The following TESMIN variants were observed in gnomAD, a reference collection of about 807,000 sequenced individuals.
The protein encoded by TESMIN is testis expressed metallothionein like protein.
Under a neutral mutation model 47.4 loss-of-function variants are expected in TESMIN, and 34 were observed. That is an observed-to-expected ratio of 0.72 (90% CI 0.55 to 0.96). The LOEUF is 0.96. Ranked by LOEUF, TESMIN falls within the 40% of genes least tolerant of loss-of-function variation. The pLI is 0.00. For missense variants in TESMIN, 610 were observed against 637.2 expected (o/e 0.96, Z 0.46); for synonymous variants, 278 against 258.9 (o/e 1.07, Z -0.71).
intron 8 of TESMIN, among the ~76,000 whole-genome samples, chr11:68,711,986 G>A (rs532396367): frequency 6.6e-5 from 10 of 152,342 alleles, no homozygotes; most frequent in Admixed American, 2.0e-4. Context: ...TCAGCCCCCC[G>A]GGGATTTCCC....
chr11:68,742,699 G>A (rs1946471110), intron 4 of TESMIN, among the ~76,000 whole-genome samples: 1 of 152,016 alleles, frequency 6.6e-6, no homozygotes, highest in African/African-American at 2.4e-5. Context: ...GTGCCAAGGT[G>A]CCCTGCATAG....
intron 6 of TESMIN, among the ~76,000 whole-genome samples, chr11:68,720,743 G>A (rs1594289132): frequency 6.6e-6 from 1 of 152,264 alleles, no homozygotes; most frequent in East Asian, 1.9e-4. Context: ...TCCAAGGGTT[G>A]CCAAATCTAC....
At chr11:68,729,704 C>T (rs1379663928) in intron 6 of TESMIN, among the ~76,000 whole-genome samples, 1 of 152,170 alleles carries the variant, frequency 6.6e-6, no homozygotes. Context: ...GAGGAATTGC[C>T]TCTTACAGAT....
In TESMIN at chr11:68,750,495, G is replaced by A; in HGVS notation, c.166C>T (p.Pro56Ser). The A allele has an allele frequency of 6.2e-7, 1 of 1,603,018 alleles. No individual in the cohort carries two copies. Among genetic ancestry groups the A allele is most frequent in the East Asian group, 2.3e-5 (1 of 44,410 alleles). Residue 56 changes from proline (P) to serine (S), a missense_variant, in exon 2 of 10, where the codon CCG becomes TCG. Physicochemically the swap from Pro to Ser is moderately conservative, Grantham distance 74 (BLOSUM62 -1). Transcript: ENST00000255087. ...FHVFKEAYLG[P>S]ADPKEPVLHA... ...AGGACGGGTTCCTTGGGGTCCGCCG[G>A]GCCCAGGTACGCTTCTTTGAAGACG...
downstream of TESMIN, among the ~76,000 whole-genome samples, chr11:68,705,223 G>GC (rs1457998381): frequency 2.0e-5 from 3 of 152,178 alleles, no homozygotes; most frequent in African/African-American, 7.2e-5. Flanking sequence ...CGTCTTCTGC[G>GC]CCCCCTCCTG....
chr11:68,731,642 C>T (rs1226662228), intron 6 of TESMIN, among the ~76,000 whole-genome samples: 4 of 152,114 alleles, frequency 2.6e-5, no homozygotes, highest in South Asian at 2.1e-4. Context: ...CTATTGATGG[C>T]GATGATGCCA....
chr11:68,739,734 C>T (rs1054422191), intron 5 of TESMIN, among the ~76,000 whole-genome samples: 2 of 152,220 alleles, frequency 1.3e-5, no homozygotes, highest in East Asian at 1.9e-4. Flanking sequence ...GGCTTCTTCC[C>T]GGGAAACCCC....
chr11:68,716,057 C>T, intron 6 of TESMIN, 118 bp from the exon 7 acceptor site: 1 of 648,940 alleles, frequency 1.5e-6, no homozygotes, highest in Non-Finnish European at 2.7e-6. Flanking sequence ...ACACTGAACA[C>T]TTTCATAGAC....
chr11:68,715,647 G>A (rs1171713181), intron 7 of TESMIN, among the ~76,000 whole-genome samples, 190 bp downstream of exon 7: 1 of 152,146 alleles, frequency 6.6e-6, no homozygotes, highest in Non-Finnish European at 1.5e-5. Flanking sequence ...GCCTTTCTCT[G>A]CCTACCACTT....
At chr11:68,725,335 CA>C (rs1179708824) in intron 6 of TESMIN, among the ~76,000 whole-genome samples, 7 of 152,312 alleles carry the variant, frequency 4.6e-5, no homozygotes, top group African/African-American at 1.7e-4. Flanking sequence ...AGCTCAATGA[CA>C]AAAGCAGAAA....
At chr11:68,728,299 G>T (rs1403007665) in intron 6 of TESMIN, among the ~76,000 whole-genome samples, 1 of 152,222 alleles carries the variant, frequency 6.6e-6, no homozygotes, top group African/African-American at 2.4e-5. Context: ...GCAAGCCTGA[G>T]AGGTCTGGAG....
At position 68,708,424 on chromosome 11, in the gene TESMIN, C is replaced by A; in HGVS notation, c.1411G>T (p.Glu471Ter). 1 of 1,614,190 alleles carries A rather than the reference C, an allele frequency of 6.2e-7. No homozygotes were observed. Among genetic ancestry groups the A allele is most frequent in the Non-Finnish European group, 8.5e-7 (1 of 1,180,030 alleles). ...ACLLAQGEEAEKEHCSKCLAE... is the reference protein window; with the variant it reads ...ACLLAQGEEA The stretch of plus-strand genomic sequence containing the variant: ...AGGCACTTGGAGCAGTGTTCTTTCT[C>A]GGCCTCTTCTCCCTGAGCAAGCAGG... The change falls in exon 10 of 10, where the codon GAG (glutamate) becomes TAG (stop). Residue 471 changes from glutamate to a stop codon, truncating the protein, a stop_gained. Coordinates refer to ENST00000255087, the MANE Select transcript of TESMIN (RefSeq NM_004923.3). LOFTEE classifies it low-confidence loss of function (END_TRUNC).
intron 6 of TESMIN, among the ~76,000 whole-genome samples, chr11:68,717,586 G>C (rs148003400): frequency 6.6e-6 from 1 of 152,332 alleles, no homozygotes; most frequent in African/African-American, 2.4e-5. Flanking sequence ...GATAGCAGAG[G>C]GGCGAGAGAA....
chr11:68,717,014 C>CA lies in TESMIN; in HGVS notation c.918-1076dup, dbSNP rs1946147873. 7.2e-5 allele frequency among the ~76,000 whole-genome samples: 11 copies of CA among 152,298 alleles called. 1 individual carries two copies. In the South Asian group the frequency reaches 2.3e-3, roughly 32 times the overall value. On this transcript the variant is annotated intron_variant, in intron 6 of 9. Coordinates refer to ENST00000255087, the MANE Select transcript of TESMIN (RefSeq NM_004923.3). ...GTGGGAATCGTGGTGCTCAGCCTCC[C>CA]AGTCCCAAAGCGCTGCTGAGGGAAA...
At chr11:68,708,596 T>A in intron 9 of TESMIN, 96 bp from the exon 10 acceptor site, 2 of 1,144,174 alleles carry the variant, frequency 1.7e-6, no homozygotes, top group Non-Finnish European at 2.4e-6. Context: ...GTCCATGCTA[T>A]TTTAAAGAAC....
intron 6 of TESMIN, chr11:68,736,190 C>T (rs1946384696): frequency 2.0e-6 from 2 of 984,968 alleles, no homozygotes; most frequent in Non-Finnish European, 2.4e-6. Context: ...GTAGCATCAA[C>T]AATGTGTCAG....
At chr11:68,737,563 A>C in intron 6 of TESMIN, 1 of 985,638 alleles carries the variant, frequency 1.0e-6, no homozygotes, top group Non-Finnish European at 1.2e-6. Context: ...GTATCCTGTA[A>C]GGTGTTTGAC....
chr11:68,722,949 A>T (rs1169327891), intron 6 of TESMIN, among the ~76,000 whole-genome samples: 1 of 152,224 alleles, frequency 6.6e-6, no homozygotes, highest in African/African-American at 2.4e-5. Flanking sequence ...AAGGAGACGA[A>T]TTCATAATCT....
chr11:68,729,718 C>T (rs1946305760), intron 6 of TESMIN, among the ~76,000 whole-genome samples: 1 of 152,148 alleles, frequency 6.6e-6, no homozygotes, highest in Non-Finnish European at 1.5e-5. Flanking sequence ...TACAGATGAG[C>T]AGAGAAAGCA....
Sources: allele counts gnomAD v4.1 joint callset (sites outside exome capture counted in the v4.1 genomes callset), GRCh38; gene constraint gnomAD v4.1.1; transcripts MANE v1.5; gene names NCBI Gene and HGNC (gene_info 2026-07-23, HGNC 2026-07-21).